The following DIP2A variants were observed in gnomAD, a reference collection of about 807,000 sequenced individuals.
The protein encoded by DIP2A is disco-interacting protein 2 homolog A.
A neutral mutation model predicts 177.4 loss-of-function variants in DIP2A; 85 were observed. The observed-to-expected ratio is 0.48, with a 90% CI of 0.40 to 0.57. The LOEUF (loss-of-function observed/expected upper bound fraction) is 0.57. Among genes scored for constraint, DIP2A ranks in the 20% least tolerant of loss-of-function variants. The pLI is 0.00. For synonymous variants in DIP2A, 886 were observed against 881.8 expected, an observed-to-expected ratio of 1.00 and a Z score of -0.08; for missense variants, 1,791 against 2,100.2, an observed-to-expected ratio of 0.85 and a Z score of 2.88.
intron 8 of DIP2A, among the ~76,000 whole-genome samples, chr21:46,516,189 G>C (rs2058564954): frequency 6.6e-6 from 1 of 151,988 alleles, no homozygotes; most frequent in African/African-American, 2.4e-5. Flanking sequence ...GATGTTCTTT[G>C]AAAATTTCCT....
At chr21:46,485,949 T>C (rs1030922685) in intron 2 of DIP2A, among the ~76,000 whole-genome samples, 3 of 151,442 alleles carry the variant, frequency 2.0e-5, no homozygotes, top group African/African-American at 7.3e-5. Flanking sequence ...TGCGTACCTG[T>C]AGTTCCAGCT....
At chr21:46,570,916 C>T (rs895957234), downstream of DIP2A, among the ~76,000 whole-genome samples, 1 of 152,138 alleles carries the variant, frequency 6.6e-6, no homozygotes, top group Non-Finnish European at 1.5e-5. Context: ...CACACAGATA[C>T]CAACATTTCA....
chr21:46,555,741 T>C (rs1281086661), intron 28 of DIP2A: 1 of 534,660 alleles, frequency 1.9e-6, no homozygotes, highest in East Asian at 3.3e-5. Flanking sequence ...TCGCCCTGCC[T>C]CGTCCCCCAT....
chr21:46,547,986 T>C (rs1226983880), intron 21 of DIP2A, among the ~76,000 whole-genome samples: 2 of 152,160 alleles, frequency 1.3e-5, no homozygotes, highest in Admixed American at 1.3e-4. Flanking sequence ...GTGCCTTTTG[T>C]TACTCAAACT....
At chr21:46,484,946 G>A (rs931215774) in intron 2 of DIP2A, 118 bp downstream of exon 2, 2 of 920,838 alleles carry the variant, frequency 2.2e-6, no homozygotes, top group Non-Finnish European at 3.1e-6. Flanking sequence ...TTAAACACTG[G>A]TATATGTTGA....
intron 21 of DIP2A, 54 bp downstream of exon 21, chr21:46,547,096 G>C: frequency 6.3e-7 from 1 of 1,592,734 alleles, no homozygotes. Flanking sequence ...TTGCAGCTCG[G>C]GAAGTCTTTG....
At chr21:46,486,453 C>G (rs910802309) in intron 2 of DIP2A, among the ~76,000 whole-genome samples, 1 of 152,176 alleles carries the variant, frequency 6.6e-6, no homozygotes, top group African/African-American at 2.4e-5. Context: ...CTCAGCCTTC[C>G]AAAGTGCTGG....
chr21:46,468,954 C>T (rs376955799), intron 1 of DIP2A, among the ~76,000 whole-genome samples: 11 of 152,198 alleles, frequency 7.2e-5, no homozygotes, highest in African/African-American at 2.2e-4. Flanking sequence ...GTCTTTCTTT[C>T]ACCGCTTAAG....
At chr21:46,459,835 G>T (rs1163648688) in intron 1 of DIP2A, among the ~76,000 whole-genome samples, 1 of 152,044 alleles carries the variant, frequency 6.6e-6, no homozygotes. Flanking sequence ...AATGGGATCC[G>T]ACCCCAAGGA....
chr21:46,473,204 A>C (rs747023626), intron 1 of DIP2A, among the ~76,000 whole-genome samples: 1 of 152,156 alleles, frequency 6.6e-6, no homozygotes, highest in Admixed American at 6.5e-5. Context: ...AACTCAGTGA[A>C]TCTTGTAAAC....
At chr21:46,476,150 G>A (rs1349919276) in intron 1 of DIP2A, among the ~76,000 whole-genome samples, 2 of 151,874 alleles carry the variant, frequency 1.3e-5, no homozygotes, top group Non-Finnish European at 2.9e-5. Context: ...GGAGGCTGAG[G>A]CAGAATGGTG....
In DIP2A at chr21:46,551,805, A is replaced by C; in HGVS notation, c.2950-19A>C. 1 of 1,612,968 alleles carries C rather than the reference A, an allele frequency of 6.2e-7. No individual in the cohort carries two copies. The highest frequency in any genetic ancestry group is 8.5e-7 in the Non-Finnish European group (1 of 1,179,488). ...CTGTGCCCCGGAGGCGCCAGTGAGCAAGTCGCCCTCTCGTGCAGTTCCTGT... is the reference window on the plus strand; with the variant it reads ...CTGTGCCCCGGAGGCGCCAGTGAGCCAGTCGCCCTCTCGTGCAGTTCCTGT... On this transcript the variant is annotated intron_variant, in intron 24 of 37. Transcript: ENST00000417564.
At chr21:46,506,785 T>C (rs2058031888) in intron 6 of DIP2A, among the ~76,000 whole-genome samples, 1 of 146,508 alleles carries the variant, frequency 6.8e-6, no homozygotes. Context: ...TTCTTTTCTT[T>C]CTTTTCTTTC....
chr21:46,540,003 C>G lies in DIP2A; in HGVS notation c.2036+12C>G. ...GTCGCCATCCGCAGGTAACCTTATT[C>G]CTTGCTATGTCTCATGAGCACTTAG... On this transcript the variant is annotated intron_variant, in intron 17 of 37. Transcript: ENST00000417564. 6.2e-7 allele frequency: 1 copy of G among 1,603,690 alleles called. No homozygotes were observed. Among genetic ancestry groups the G allele is most frequent in the Non-Finnish European group, 8.5e-7 (1 of 1,170,604 alleles).
At position 46,533,555 on chromosome 21, in the gene DIP2A, T is replaced by C. The variant is rs1378801118; in HGVS notation, c.1337T>C (p.Leu446Pro). Reference sequence around the variant, plus strand: ...GGCAGCCAGCAGGTTGGGTTTCTGCTGGGCAGCTGTGGAGTCTTCTTGGCC... The same window carrying C: ...GGCAGCCAGCAGGTTGGGTTTCTGCCGGGCAGCTGTGGAGTCTTCTTGGCC... Reference protein sequence around the residue: ...DAGSQQVGFLLGSCGVFLALT... With the variant: ...DAGSQQVGFLPGSCGVFLALT... Residue 446 changes from leucine to proline, a missense_variant, in exon 11 of 38, where the codon CTG becomes CCG. Leu to Pro is a moderately conservative substitution (Grantham distance 98). Transcript: ENST00000417564. 1.2e-6 allele frequency: 2 copies of C among 1,613,864 alleles called. No homozygotes were observed. Among genetic ancestry groups the C allele is most frequent in the African/African-American group, 1.3e-5 (1 of 74,938 alleles).
intron 1 of DIP2A, among the ~76,000 whole-genome samples, chr21:46,459,817 G>T (rs755338568): frequency 6.6e-6 from 1 of 152,062 alleles, no homozygotes; most frequent in Non-Finnish European, 1.5e-5. Flanking sequence ...ATCCCCAGCT[G>T]CTCCCCCAAT....
intron 1 of DIP2A, among the ~76,000 whole-genome samples, chr21:46,467,699 A>G (rs1010026364): frequency 2.6e-5 from 4 of 152,208 alleles, no homozygotes; most frequent in Non-Finnish European, 4.4e-5. Context: ...TGCACTAACA[A>G]AATTTATTAT....
Position 46,459,077 on chromosome 21 carries a change from C to T in DIP2A, c.-55C>T, listed in dbSNP as rs1321304417. 2.9e-6 allele frequency: 4 copies of T among 1,368,876 alleles called. No homozygotes were observed. The highest frequency in any genetic ancestry group is 3.2e-5 in the South Asian group (2 of 62,972). The allele number at this position is 1,368,876 out of a possible 1,614,324, so 84.8% of individuals were successfully genotyped here. A position where few individuals can be genotyped will look rare whatever the true frequency, so the allele number is the denominator to read the frequency against. On this transcript the variant is annotated 5_prime_UTR_variant, in exon 1 of 38. Coordinates refer to ENST00000417564, the MANE Select transcript of DIP2A (RefSeq NM_015151.4). ...GCTACGTAGCCGAGGTTTGCGCTGC[C>T]GCCGCCAGGCCCGGTCCGGTTCCAG...
At chr21:46,525,128 C>G (rs1469724578) in intron 8 of DIP2A, among the ~76,000 whole-genome samples, 1 of 151,924 alleles carries the variant, frequency 6.6e-6, no homozygotes, top group Admixed American at 6.6e-5. Flanking sequence ...CTCAGGTGAT[C>G]CACCTGCCTT....
Sources: allele counts gnomAD v4.1 joint callset (sites outside exome capture counted in the v4.1 genomes callset), GRCh38; gene constraint gnomAD v4.1.1; transcripts MANE v1.5; gene names NCBI Gene and HGNC (gene_info 2026-07-23, HGNC 2026-07-21).